The following ASIC2 variants were observed in gnomAD, a reference collection of about 807,000 sequenced individuals.
The protein encoded by ASIC2 is acid sensing ion channel subunit 2, also known as acid-sensing ion channel 2.
ASIC2 carries 25 observed loss-of-function variants against 57.3 expected under a neutral mutation model. That is an observed-to-expected ratio of 0.44 (90% CI 0.32 to 0.61). ASIC2 has a LOEUF of 0.61. Ranked by LOEUF, ASIC2 falls within the 20% of genes least tolerant of loss-of-function variation. The pLI is 0.06. For missense variants in ASIC2, 641 were observed against 738.1 expected (o/e 0.87, Z 1.52); for synonymous variants, 319 against 307.5 (o/e 1.04, Z -0.39).
At chr17:33,880,618 G>A (rs1456531841) in intron 1 of ASIC2, among the ~76,000 whole-genome samples, 2 of 152,248 alleles carry the variant, frequency 1.3e-5, no homozygotes, top group East Asian at 3.9e-4. Flanking sequence ...ATAATTAATA[G>A]CTTACCAACC....
At chr17:34,049,233 A>G (rs551775293) in intron 1 of ASIC2, among the ~76,000 whole-genome samples, 1 of 152,302 alleles carries the variant, frequency 6.6e-6, no homozygotes, top group East Asian at 1.9e-4. Flanking sequence ...TCGAGGCCAC[A>G]GTGAACCATG....
Position 33,860,214 on chromosome 17 carries a change from C to T in ASIC2, c.555+295764G>A, listed in dbSNP as rs1914069398. Reference sequence around the variant, plus strand: ...GGCATAATACCAGGCATAATTCTTGCTCAATAAATGGGAGGCCTTCACCTT... The same window carrying T: ...GGCATAATACCAGGCATAATTCTTGTTCAATAAATGGGAGGCCTTCACCTT... On this transcript the variant is annotated intron_variant, in intron 1 of 9. Transcript: ENST00000359872. 2.0e-5 allele frequency among the ~76,000 whole-genome samples: 3 copies of T among 152,130 alleles called. No individual in the cohort carries two copies. In the South Asian group the frequency reaches 6.2e-4, roughly 32 times the overall value.
chr17:34,084,436 T>G (rs1371832183), intron 1 of ASIC2, among the ~76,000 whole-genome samples: 1 of 152,264 alleles, frequency 6.6e-6, no homozygotes, highest in Non-Finnish European at 1.5e-5. Flanking sequence ...CATGCTGTTT[T>G]GGTTACTGTA....
intron 1 of ASIC2, among the ~76,000 whole-genome samples, chr17:34,151,121 A>AAAT (rs1555535980): frequency 3.3e-5 from 5 of 150,738 alleles, no homozygotes; most frequent in African/African-American, 1.2e-4. Flanking sequence ...AAAAAAAAAA[A>AAAT]AAAATAAAGA....
chr17:33,242,495 A>G (rs191965074), intron 1 of ASIC2, among the ~76,000 whole-genome samples: 7 of 152,210 alleles, frequency 4.6e-5, no homozygotes, highest in Admixed American at 4.6e-4. Context: ...CATTTCACAG[A>G]TAAAGAAAAT....
intron 1 of ASIC2, among the ~76,000 whole-genome samples, chr17:33,677,763 G>T (rs1391177809): frequency 6.6e-6 from 1 of 152,198 alleles, no homozygotes. Context: ...GAAGTTCGAA[G>T]TAAGAGTTGT....
chr17:33,850,132 A>C (rs976348036), intron 1 of ASIC2, among the ~76,000 whole-genome samples: 1 of 152,146 alleles, frequency 6.6e-6, no homozygotes, highest in African/African-American at 2.4e-5. Context: ...TCAGGTGCTC[A>C]CAAAATCAGG....
At chr17:33,145,436 G>C (rs756446850) in intron 1 of ASIC2, among the ~76,000 whole-genome samples, 5 of 152,222 alleles carry the variant, frequency 3.3e-5, no homozygotes, top group Non-Finnish European at 7.3e-5. Flanking sequence ...CTCCCGACTA[G>C]ATCGTAGTAA....
intron 1 of ASIC2, among the ~76,000 whole-genome samples, chr17:34,076,562 C>T (rs962439329): frequency 6.6e-6 from 1 of 152,308 alleles, no homozygotes; most frequent in East Asian, 1.9e-4. Context: ...AAAGAAGTGC[C>T]TCAGAATGTA....
Position 33,292,843 on chromosome 17 carries a change from C to A in ASIC2, c.-728G>T. On this transcript the variant is annotated 5_prime_UTR_variant, in exon 1 of 10. Transcript: ENST00000225823. The stretch of plus-strand genomic sequence containing the variant: ...GAGACCTGCTTAGGCTTCCCCAAGT[C>A]CTGCGCCTAAGTCCTGCCAGGCGCC... 1.0e-6 allele frequency: 1 copy of A among 985,594 alleles called. No homozygotes were observed. The highest frequency in any genetic ancestry group is 1.2e-6 in the Non-Finnish European group (1 of 830,048). The allele number at this position is 985,594 out of a possible 1,614,324, so 61.1% of individuals were successfully genotyped here.
At chr17:33,307,819 T>TAAATA (rs56907743) in intron 1 of ASIC2, among the ~76,000 whole-genome samples, 36,455 of 151,986 alleles carry the variant, frequency 0.24, 4,989 homozygotes, top group African/African-American at 0.37. Flanking sequence ...GCATAAAGAT[T>TAAATA]AAATAACACA....
intron 1 of ASIC2, among the ~76,000 whole-genome samples, chr17:33,369,254 A>G (rs1908948541): frequency 6.6e-6 from 1 of 152,198 alleles, no homozygotes; most frequent in South Asian, 2.1e-4. Context: ...GAGAGCCAGT[A>G]AGAGTTAAAA....
chr17:34,069,079 CCA>C lies in ASIC2; in HGVS notation c.555+86897_555+86898del, dbSNP rs984780149. Among the ~76,000 whole-genome samples, 11 of 152,324 alleles carry C rather than the reference CCA, an allele frequency of 7.2e-5. No individual in the cohort carries two copies. The South Asian group carries it at 2.1e-3, about 29-fold the overall frequency. On this transcript the variant is annotated intron_variant, in intron 1 of 9. Transcript: ENST00000359872. ...TGGGCTACTCCTACCCCTCTGAACT[CCA>C]CTTTCAGTGGTCACCTTGGTGGCTC... is the stretch of plus-strand genomic sequence containing the variant.
At chr17:33,385,753 A>G (rs1347333084) in intron 1 of ASIC2, among the ~76,000 whole-genome samples, 2 of 152,204 alleles carry the variant, frequency 1.3e-5, no homozygotes, top group Non-Finnish European at 2.9e-5. Flanking sequence ...GTGAGGACAG[A>G]TCCATAGGCT....
intron 1 of ASIC2, among the ~76,000 whole-genome samples, chr17:33,687,576 C>T (rs984920613): frequency 2.0e-5 from 3 of 152,172 alleles, no homozygotes; most frequent in Admixed American, 6.5e-5. Context: ...GGAACCTCCC[C>T]TCCATTCCTA....
intron 1 of ASIC2, among the ~76,000 whole-genome samples, chr17:33,801,023 G>A (rs1912117904): frequency 6.6e-6 from 1 of 152,194 alleles, no homozygotes. Flanking sequence ...AGTCAGTTGA[G>A]TGCTGAGATT....
At chr17:33,206,702 G>A (rs747486806) in intron 1 of ASIC2, among the ~76,000 whole-genome samples, 1 of 152,054 alleles carries the variant, frequency 6.6e-6, no homozygotes, top group Non-Finnish European at 1.5e-5. Context: ...GGCTCTGAGG[G>A]GATACAAATA....
At chr17:33,577,489 C>T (rs1005116483) in intron 1 of ASIC2, among the ~76,000 whole-genome samples, 5 of 152,090 alleles carry the variant, frequency 3.3e-5, no homozygotes, top group African/African-American at 4.8e-5. Context: ...CAGACCCTAC[C>T]GTATTGGTTC....
intron 3 of ASIC2, among the ~76,000 whole-genome samples, chr17:33,066,004 T>C (rs1401670105): frequency 1.3e-5 from 2 of 152,034 alleles, no homozygotes; most frequent in Non-Finnish European, 2.9e-5. Flanking sequence ...TCAAGCCCCC[T>C]CCCAACCTAC....
Sources: allele counts gnomAD v4.1 joint callset (sites outside exome capture counted in the v4.1 genomes callset), GRCh38; gene constraint gnomAD v4.1.1; transcripts MANE v1.5; gene names NCBI Gene and HGNC (gene_info 2026-07-23, HGNC 2026-07-21).